The following ZNF30 variants were observed in gnomAD, a reference collection of about 807,000 sequenced individuals.
ZNF30 encodes the protein zinc finger protein 30, also known as zinc finger protein 30 (KOX 28).
A neutral mutation model predicts 13.2 loss-of-function variants in ZNF30; 15 were observed. The observed-to-expected ratio is 1.13, with a 90% confidence interval of 0.76 to 1.75. ZNF30 has a LOEUF of 1.75. Among genes scored for constraint, ZNF30 ranks in the 40% most tolerant of loss-of-function variants. ZNF30 has a pLI of 0.00. For missense variants in ZNF30, 726 were observed against 757.0 expected (o/e 0.96, Z 0.48); for synonymous variants, 223 against 256.6 (o/e 0.87, Z 1.25).
At position 34,934,766 on chromosome 19, in the gene ZNF30, G is replaced by A. The variant is rs118174546; in HGVS notation, c.256+1043G>A. Among the ~76,000 whole-genome samples the A allele has an allele frequency of 1.0e-3, 156 of 152,140 alleles. 1 individual carries two copies. The East Asian group carries it at 0.024, about 23-fold the overall frequency. On this transcript the variant is annotated intron_variant, in intron 4 of 4. Coordinates refer to ENST00000601142, the MANE Select transcript of ZNF30 (RefSeq NM_194325.3). ...CAAAAGATAAAACATTTTTACGGGG[G>A]CTGGGGGACAACAAGAGGGCGAGCA...
At chr19:34,925,534 G>A (rs1490090121), upstream of ZNF30, among the ~76,000 whole-genome samples, 1 of 152,196 alleles carries the variant, frequency 6.6e-6, no homozygotes, top group Non-Finnish European at 1.5e-5. Flanking sequence ...TCCTCTGGAT[G>A]TCCAGCGGCT....
At position 34,943,793 on chromosome 19, in the gene ZNF30, T is replaced by C; in HGVS notation, c.827T>C (p.Val276Ala). 6.2e-7 allele frequency: 1 copy of C among 1,613,522 alleles called. No homozygotes were observed. Among genetic ancestry groups the C allele is most frequent in the Non-Finnish European group, 8.5e-7 (1 of 1,179,794 alleles). ...GCCTTCAGTACCTTTTCATACCTGG[T>C]TCAACATCAGCGAATTCATACCAGT... ...GKAFSTFSYLVQHQRIHTSEK... is the reference protein window; with the variant it reads ...GKAFSTFSYLAQHQRIHTSEK... The change falls in exon 5 of 5, where the codon GTT becomes GCT. Residue 276 changes from valine (V) to alanine (A), a missense_variant. By Grantham distance (64) the Val-to-Ala change is moderately conservative (BLOSUM62 0). Transcript: ENST00000601142.
rs1346527746 is a variant in ZNF30, at chr19:34,935,081, A to C, written c.256+1358A>C. Among the ~76,000 whole-genome samples the C allele has an allele frequency of 3.3e-5, 5 of 152,106 alleles. No individual in the cohort carries two copies. In the East Asian group the frequency reaches 7.7e-4, roughly 24 times the overall value. On this transcript the variant is annotated intron_variant, in intron 4 of 4. Coordinates refer to ENST00000601142, the MANE Select transcript of ZNF30 (RefSeq NM_194325.3). ...CGTCTCTACTAAAAAAATACAAAAA[A>C]TTGGCCAGGCGTGGTGGCGGGCGCC...
rs1298455318 is a variant in ZNF30, at chr19:34,943,751, G to A, written c.785G>A (p.Cys262Tyr). The change falls in exon 5 of 5, where the codon TGT becomes TAT. Residue 262 changes from cysteine (C) to tyrosine (Y), a missense_variant. Transcript: ENST00000601142. ...STHTGEKPFG[C>Y]EECGKAFSTF... ...CACACTGGTGAAAAACCCTTTGGGT[G>A]TGAGGAGTGTGGGAAGGCCTTCAGT... 2 of 1,613,920 alleles carry A rather than the reference G, an allele frequency of 1.2e-6. No homozygotes were observed.
intron 4 of ZNF30, among the ~76,000 whole-genome samples, chr19:34,939,122 C>CTCCCCTCCCG: frequency 1.2e-5 from 1 of 81,168 alleles, no homozygotes; most frequent in African/African-American, 7.5e-5. Flanking sequence ...AGTGTCTTGT[C>CTCCCCTCCCG]TCCCCTCCCC....
At chr19:34,933,780 C>T in intron 4 of ZNF30, 57 bp downstream of exon 4, 1 of 1,226,780 alleles carries the variant, frequency 8.2e-7, no homozygotes, top group Non-Finnish European at 1.2e-6. Context: ...GCCCAGCTGT[C>T]AGGGAGGAAG....
In ZNF30 at chr19:34,937,321, C is replaced by A. The variant is rs150568580; in HGVS notation, c.256+3598C>A. ...AGCTACTGCACCCGGCCAGTAGTGA[C>A]TACTCTTAACATTTAGAGGTCTTCT... On this transcript the variant is annotated intron_variant, in intron 4 of 4. Transcript: ENST00000601142. 2.5e-3 allele frequency among the ~76,000 whole-genome samples: 386 copies of A among 152,178 alleles called. 2 individuals carry two copies. The highest frequency in any genetic ancestry group is 0.014 in the Middle Eastern group (4 of 294).
At chr19:34,942,634 A>AT in intron 4 of ZNF30, 1 of 1,289,500 alleles carries the variant, frequency 7.8e-7, no homozygotes, top group Non-Finnish European at 1.0e-6. Context: ...ATGCCAGAAG[A>AT]TTTTTAGGCG....
intron 4 of ZNF30, among the ~76,000 whole-genome samples, chr19:34,937,121 C>T (rs1257834984): frequency 2.6e-5 from 4 of 151,966 alleles, no homozygotes; most frequent in African/African-American, 4.8e-5. Flanking sequence ...AAGTGATTCT[C>T]CTGCCTCAGC....
rs756373511 is a variant in ZNF30, at chr19:34,944,797, C to G, written c.1831C>G (p.Leu611Val). 5 of 1,609,204 alleles carry G rather than the reference C, an allele frequency of 3.1e-6. No individual in the cohort carries two copies. Among genetic ancestry groups the G allele is most frequent in the Non-Finnish European group, 3.4e-6 (4 of 1,176,424 alleles). The change falls in exon 5 of 5, where the codon CTT becomes GTT. Residue 611 changes from leucine to valine, a missense_variant. Leu to Val is a conservative substitution (Grantham distance 32). Transcript: ENST00000601142. Reference sequence around the variant, plus strand: ...GAAGACCTTTAGATACAGTTCAGCCCTTAAAGTGCATCTGAGAAAACATAT... The same window carrying G: ...GAAGACCTTTAGATACAGTTCAGCCGTTAAAGTGCATCTGAGAAAACATAT... ...CGKTFRYSSA[L>V]KVHLRKHMSV...
chr19:34,943,393 A>G lies in ZNF30; in HGVS notation c.427A>G (p.Ser143Gly). The G allele has an allele frequency of 6.2e-7, 1 of 1,614,026 alleles. No individual in the cohort carries two copies. The highest frequency in any genetic ancestry group is 1.1e-5 in the South Asian group (1 of 91,072). The change falls in exon 5 of 5, where the codon AGT becomes GGT. Residue 143 changes from serine to glycine, a missense_variant. Transcript: ENST00000601142. ...SKPVQHERIH[S>G]SEKPNRCKEC... ...GCCTGTTCAACATGAAAGAATACAT[A>G]GTAGTGAAAAACCCAACAGATGTAA...
rs201583123 is a variant in ZNF30 at position 34,944,218 on chromosome 19, C to T, written c.1252C>T (p.His418Tyr). The T allele has an allele frequency of 1.5e-4, 248 of 1,613,870 alleles. No individual in the cohort carries two copies. The highest frequency in any genetic ancestry group is 2.1e-4 in the Non-Finnish European group (244 of 1,179,972). The change falls in exon 5 of 5, where the codon CAT becomes TAT. Residue 418 changes from histidine (H) to tyrosine (Y), a missense_variant. His to Tyr is a moderately conservative substitution (Grantham distance 83, BLOSUM62 2). Transcript: ENST00000601142. ...TAGTACTGGCTCATACCTTGTTCAG[C>T]ATCAGAGGATCCATACTGGGGAGAA... ...AFSTGSYLVQ[H>Y]QRIHTGEKPY...
intron 4 of ZNF30, among the ~76,000 whole-genome samples, chr19:34,937,075 G>A (rs975232482): frequency 3.3e-5 from 5 of 151,680 alleles, no homozygotes; most frequent in African/African-American, 4.8e-5. Flanking sequence ...GCAGTGGTGC[G>A]ATCTCAGCTC....
intron 1 of ZNF30, among the ~76,000 whole-genome samples, chr19:34,928,220 A>AAAATATATATATATATAT (rs1555778254): frequency 1.6e-4 from 12 of 73,390 alleles, no homozygotes; most frequent in Non-Finnish European, 2.8e-4. Flanking sequence ...AAAAAAAAAA[A>AAAATATATATATATATAT]ATATATATAT....
chr19:34,929,105 A>G (rs991978573), intron 1 of ZNF30, among the ~76,000 whole-genome samples: 12 of 152,162 alleles, frequency 7.9e-5, no homozygotes, highest in African/African-American at 2.9e-4. Context: ...ACATGGTGAA[A>G]TTCCGTCTCT....
intron 4 of ZNF30, among the ~76,000 whole-genome samples, chr19:34,937,512 ACTTCAAG>A (rs2012804470): frequency 6.6e-6 from 1 of 152,066 alleles, no homozygotes; most frequent in African/African-American, 2.4e-5. Context: ...AGGGGGAATC[ACTTCAAG>A]CCAGGAGTTC....
At position 34,936,850 on chromosome 19, in the gene ZNF30, C is replaced by T. The variant is rs571077999; in HGVS notation, c.256+3127C>T. Reference sequence around the variant, plus strand: ...AGTCAAGGCTGCAGTGAGCTATGATCGCACCACTGCACTCTAGCCTGGGCA... The same window carrying T: ...AGTCAAGGCTGCAGTGAGCTATGATTGCACCACTGCACTCTAGCCTGGGCA... On this transcript the variant is annotated intron_variant, in intron 4 of 4. Coordinates refer to ENST00000601142, the MANE Select transcript of ZNF30 (RefSeq NM_194325.3). 1.1e-4 allele frequency among the ~76,000 whole-genome samples: 16 copies of T among 152,078 alleles called. No individual in the cohort carries two copies. The South Asian group carries it at 2.5e-3, about 24-fold the overall frequency.
At chr19:34,935,250 A>T (rs570160003) in intron 4 of ZNF30, among the ~76,000 whole-genome samples, 10,693 of 151,776 alleles carry the variant, frequency 0.07, 1,094 homozygotes, top group African/African-American at 0.23. Flanking sequence ...AAAATTTTTA[A>T]AAACAATTTT....
At position 34,943,910 on chromosome 19, in the gene ZNF30, C is replaced by T. The variant is rs774513203; in HGVS notation, c.944C>T (p.Pro315Leu). The T allele has an allele frequency of 5.0e-6, 8 of 1,614,130 alleles. No individual in the cohort carries two copies. In the South Asian group the frequency reaches 7.7e-5, roughly 16 times the overall value. Residue 315 changes from proline (P) to leucine (L), a missense_variant, in exon 5 of 5, where the codon CCC (proline) becomes CTC (leucine). Coordinates refer to ENST00000601142, the MANE Select transcript of ZNF30 (RefSeq NM_194325.3). The part of the protein sequence containing the change: ...KHQRIHTGEK[P>L]YECKECGKSF... ...CAGAGAATTCATACTGGCGAGAAACCCTATGAATGTAAGGAGTGTGGGAAG... is the reference window on the plus strand; with the variant it reads ...CAGAGAATTCATACTGGCGAGAAACTCTATGAATGTAAGGAGTGTGGGAAG...
Sources: gnomAD v4.1 joint callset for allele counts (sites outside exome capture counted in the v4.1 genomes callset) on GRCh38, gnomAD v4.1.1 for gene constraint, MANE v1.5 for transcripts, NCBI Gene and HGNC (gene_info 2026-07-23, HGNC 2026-07-21) for gene names.